Variants in EYS observed in about 807,000 individuals in gnomAD.
The protein encoded by EYS is protein eyes shut homolog.
A neutral mutation model predicts 282.1 loss-of-function variants in EYS; 250 were observed. That is an observed-to-expected ratio of 0.89 (90% CI 0.80 to 0.98). The LOEUF (loss-of-function observed/expected upper bound fraction) is 0.98. Among genes scored for constraint, EYS ranks in the 50% least tolerant of loss-of-function variants. The pLI is 0.00. For missense variants in EYS, 4,016 were observed against 3,709.0 expected, an observed-to-expected ratio of 1.08 and a Z score of -2.15; for synonymous variants, 1,355 against 1,282.9, an observed-to-expected ratio of 1.06 and a Z score of -1.20.
chr6:63,938,384 G>C (rs754512801), intron 35 of EYS, among the ~76,000 whole-genome samples: 1 of 152,138 alleles, frequency 6.6e-6, no homozygotes, highest in African/African-American at 2.4e-5. Context: ...CAGGTTCTAA[G>C]GAAACAGGGC....
chr6:63,834,357 T>C (rs932329893), intron 36 of EYS, among the ~76,000 whole-genome samples: 1 of 151,734 alleles, frequency 6.6e-6, no homozygotes, highest in Admixed American at 6.6e-5. Flanking sequence ...CTTTAACAAA[T>C]TTACAAGAAA....
At chr6:65,608,136 A>C (rs1254347966) in intron 2 of EYS, among the ~76,000 whole-genome samples, 2 of 151,990 alleles carry the variant, frequency 1.3e-5, no homozygotes, top group African/African-American at 4.8e-5. Flanking sequence ...TTGTGTGAAC[A>C]TCACAGAGTG....
chr6:64,414,837 A>G (rs749168145), intron 28 of EYS, among the ~76,000 whole-genome samples: 2 of 152,202 alleles, frequency 1.3e-5, no homozygotes, highest in Admixed American at 6.6e-5. Context: ...CTCATTCTTC[A>G]TAACAAAAAG....
chr6:65,025,342 T>G (rs116425610), intron 13 of EYS, among the ~76,000 whole-genome samples: 2,044 of 152,326 alleles, frequency 0.013, 51 homozygotes, highest in African/African-American at 0.046. Flanking sequence ...ATATCATGTC[T>G]ACTAAAATCT....
intron 36 of EYS, among the ~76,000 whole-genome samples, chr6:63,814,915 T>C (rs1771141572): frequency 6.6e-6 from 1 of 152,202 alleles, no homozygotes; most frequent in Admixed American, 6.6e-5. Flanking sequence ...TAGTAGTTTA[T>C]TGTGATAAAA....
At chr6:63,743,385 A>G (rs1023714596) in intron 41 of EYS, among the ~76,000 whole-genome samples, 1 of 152,206 alleles carries the variant, frequency 6.6e-6, no homozygotes, top group African/African-American at 2.4e-5. Flanking sequence ...ATAGTTTGGC[A>G]GGTGTATCAG....
chr6:64,645,724 T>C (rs1226293668), intron 22 of EYS, among the ~76,000 whole-genome samples: 1 of 152,228 alleles, frequency 6.6e-6, no homozygotes, highest in Non-Finnish European at 1.5e-5. Context: ...ATAAACTTAT[T>C]AGAATGCTGT....
intron 5 of EYS, among the ~76,000 whole-genome samples, chr6:65,429,177 C>CA (rs749099731): frequency 0.027 from 3,415 of 125,496 alleles, 124 homozygotes; most frequent in African/African-American, 0.087. Context: ...AAAATCATCT[C>CA]AAAAAAAAAA....
intron 6 of EYS, among the ~76,000 whole-genome samples, chr6:65,404,097 G>A (rs1274216127): frequency 6.6e-6 from 1 of 152,024 alleles, no homozygotes; most frequent in Non-Finnish European, 1.5e-5. Context: ...AGGCTCTACA[G>A]GAAAATGTTC....
chr6:64,594,231 G>A lies in EYS; in HGVS notation c.3685-922C>T, dbSNP rs373622621. Among the ~76,000 whole-genome samples the A allele has an allele frequency of 6.4e-4, 97 of 152,074 alleles. No individual in the cohort carries two copies. In the South Asian group the frequency reaches 0.012, roughly 20 times the overall value. The stretch of plus-strand genomic sequence containing the variant: ...GATGATTCCTAATGTTAGATAATTC[G>A]CAACAAAGAAAAGCCCAGGACCAGG... On this transcript the variant is annotated intron_variant, in intron 24 of 42. Transcript: ENST00000503581.
rs1358747928 is a variant in EYS, at chr6:63,789,119, T to C, written c.7517A>G (p.Asn2506Ser). The change falls in exon 38 of 43, where the codon AAT becomes AGT. Residue 2506 changes from asparagine to serine, a missense_variant. By Grantham distance (46) the Asn-to-Ser change is conservative. Coordinates refer to ENST00000503581, the MANE Select transcript of EYS (RefSeq NM_001142800.2). ...AACAGTGTGGACTCCAAGGCTCAGA[T>C]TGAGGGGCTCGCTCCTGATGCTTGC... Reference protein sequence around the residue: ...GIASIRSEPLNLSLGVHTVHL... With the variant: ...GIASIRSEPLSLSLGVHTVHL... 5.8e-6 allele frequency: 9 copies of C among 1,551,684 alleles called. No homozygotes were observed. In the Admixed American group the frequency reaches 9.8e-5, roughly 17 times the overall value.
chr6:64,823,402 G>A (rs773425270), intron 19 of EYS, among the ~76,000 whole-genome samples: 6 of 151,660 alleles, frequency 4.0e-5, no homozygotes, highest in Non-Finnish European at 7.4e-5. Context: ...ACACAAAAAC[G>A]TTTTTAGGGA....
At chr6:65,678,878 A>G (rs1054074719) in intron 1 of EYS, among the ~76,000 whole-genome samples, 4 of 151,898 alleles carry the variant, frequency 2.6e-5, no homozygotes, top group Admixed American at 2.6e-4. Flanking sequence ...ATCTTTTTAA[A>G]CAGGAAAAAA....
At chr6:64,546,862 G>C (rs1764890188) in intron 26 of EYS, among the ~76,000 whole-genome samples, 1 of 152,156 alleles carries the variant, frequency 6.6e-6, no homozygotes, top group South Asian at 2.1e-4. Flanking sequence ...TCATTAAAAA[G>C]TCAGGAAACA....
intron 41 of EYS, among the ~76,000 whole-genome samples, chr6:63,746,103 G>C (rs1769204760): frequency 6.6e-6 from 1 of 152,120 alleles, no homozygotes; most frequent in South Asian, 2.1e-4. Flanking sequence ...CTTTCCATCA[G>C]TACCTAGTTT....
intron 5 of EYS, among the ~76,000 whole-genome samples, chr6:65,458,362 G>C (rs571797117): frequency 2.0e-5 from 3 of 151,980 alleles, no homozygotes; most frequent in African/African-American, 4.8e-5. Context: ...CAGAAACTAC[G>C]GATTCATCTT....
intron 35 of EYS, among the ~76,000 whole-genome samples, chr6:63,899,168 T>G (rs1348589857): frequency 6.6e-6 from 1 of 152,212 alleles, no homozygotes; most frequent in East Asian, 1.9e-4. Flanking sequence ...TTCAAACAAG[T>G]ACCTTTAACC....
intron 12 of EYS, among the ~76,000 whole-genome samples, chr6:65,177,028 T>C (rs1047287804): frequency 2.0e-5 from 3 of 151,792 alleles, no homozygotes; most frequent in Admixed American, 1.3e-4. Context: ...TCCAAATCAT[T>C]ACTTATTTTA....
chr6:64,442,036 G>A (rs1170045004), intron 26 of EYS, among the ~76,000 whole-genome samples: 1 of 152,130 alleles, frequency 6.6e-6, no homozygotes, highest in Non-Finnish European at 1.5e-5. Context: ...GGAGGGCTCA[G>A]AAGAAGACAG....
Sources: gnomAD v4.1 joint callset for allele counts (sites outside exome capture counted in the v4.1 genomes callset) on GRCh38, gnomAD v4.1.1 for gene constraint, MANE v1.5 for transcripts, NCBI Gene and HGNC (gene_info 2026-07-23, HGNC 2026-07-21) for gene names.